The following PDE10A variants were observed in gnomAD, a reference collection of about 807,000 sequenced individuals.
PDE10A encodes cAMP and cAMP-inhibited cGMP 3',5'-cyclic phosphodiesterase 10A.
PDE10A carries 39 observed loss-of-function variants against 97.7 expected under a neutral mutation model. That is an observed-to-expected ratio of 0.40 (90% CI 0.31 to 0.52). The LOEUF is 0.52. PDE10A is among the 20% of genes least tolerant of loss of function. PDE10A has a pLI of 0.56. For missense variants in PDE10A, 731 were observed against 1,047.8 expected, an observed-to-expected ratio of 0.70 and a Z score of 4.17; for synonymous variants, 371 against 376.8, an observed-to-expected ratio of 0.98 and a Z score of 0.18.
At chr6:165,585,465 C>T (rs999634451) in intron 1 of PDE10A, among the ~76,000 whole-genome samples, 3 of 152,090 alleles carry the variant, frequency 2.0e-5, no homozygotes, top group East Asian at 1.9e-4. Flanking sequence ...GGGGGACCTA[C>T]GTGCAATCAC....
chr6:165,662,661 G>A lies in PDE10A; in HGVS notation c.151C>T (p.Pro51Ser), dbSNP rs1454514667. The change falls in exon 1 of 22, where the codon CCC (proline) becomes TCC (serine). Residue 51 changes from proline to serine, a missense_variant. Coordinates refer to ENST00000539869, the MANE Select transcript of PDE10A (RefSeq NM_001385079.1). ...GGSAAGPGPA[P>S]EWPGRGRAER... ...GCCCGGCCACGGCCAGGCCACTCGG[G>A]GGCCGGGCCCGGGCCCGCCGCGCTC... is the stretch of plus-strand genomic sequence containing the variant. The A allele has an allele frequency of 6.4e-5, 9 of 141,392 alleles. No homozygotes were observed. The highest frequency in any genetic ancestry group is 2.3e-4 in the African/African-American group (9 of 39,490). 8.8% of individuals were successfully genotyped at this position (141,392 alleles called of 1,614,324 possible). A position where few individuals can be genotyped will look rare whatever the true frequency, so the allele number is the denominator to read the frequency against.
At chr6:165,413,378 T>C (rs112727798) in intron 13 of PDE10A, 123 bp downstream of exon 13, 5 of 618,566 alleles carry the variant, frequency 8.1e-6, no homozygotes, top group African/African-American at 1.9e-5. Flanking sequence ...CAGGAATCAC[T>C]TACTTTTCCT....
Position 165,333,091 on chromosome 6 carries a change from C to G in PDE10A, c.3102G>C (p.Gly1034=), listed in dbSNP as rs745955034. Residue 1034 remains glycine (G), a synonymous_variant, in exon 22 of 22, where the codon GGG becomes GGC. Coordinates refer to ENST00000539869, the MANE Select transcript of PDE10A (RefSeq NM_001385079.1). ...NLSQWEKVIR[G]EETATWISSP... ...ATGAAATCCAGGTTGCAGTCTCCTC[C>G]CCTCGAATCACCTTCTCCCACTGAC... 3 of 1,611,902 alleles carry G rather than the reference C, an allele frequency of 1.9e-6. No homozygotes were observed. In the East Asian group the frequency reaches 6.7e-5, roughly 36 times the overall value.
At position 165,528,015 on chromosome 6, in the gene PDE10A, T is replaced by A. The variant is rs1421608558; in HGVS notation, c.994+15425A>T. On this transcript the variant is annotated intron_variant, in intron 2 of 21. Transcript: ENST00000539869. ...GGGTAATCTTCCCAGTGGGCAAAACTTTGAGCAGTGCACCTGGTTGTGCAC... is the reference window on the plus strand; with the variant it reads ...GGGTAATCTTCCCAGTGGGCAAAACATTGAGCAGTGCACCTGGTTGTGCAC... Among the ~76,000 whole-genome samples the A allele has an allele frequency of 1.1e-4, 17 of 152,144 alleles. 1 individual carries two copies. The highest frequency in any genetic ancestry group is 1.1e-3 in the Admixed American group (17 of 15,268).
At chr6:165,535,422 A>C (rs1311617883) in intron 2 of PDE10A, among the ~76,000 whole-genome samples, 1 of 151,768 alleles carries the variant, frequency 6.6e-6, no homozygotes, top group Non-Finnish European at 1.5e-5. Flanking sequence ...TCCACTCTCT[A>C]TGTCCATGTG....
chr6:165,845,147 A>G (rs879477109), intron 1 of PDE10A, among the ~76,000 whole-genome samples: 3 of 152,222 alleles, frequency 2.0e-5, no homozygotes, highest in Admixed American at 6.5e-5. Context: ...TTATGCTGGA[A>G]ACAAAGCTCC....
chr6:165,618,939 GTAGTC>G (rs1249042507), intron 1 of PDE10A, among the ~76,000 whole-genome samples: 2 of 151,390 alleles, frequency 1.3e-5, no homozygotes, highest in African/African-American at 4.9e-5. Flanking sequence ...GTAGTCTAGT[GTAGTC>G]TAGTGTAGTG....
chr6:165,552,443 G>T (rs545317695), intron 1 of PDE10A, among the ~76,000 whole-genome samples: 1 of 152,286 alleles, frequency 6.6e-6, no homozygotes, highest in South Asian at 2.1e-4. Flanking sequence ...GTGCATTTGT[G>T]CAAACAATAT....
chr6:165,669,796 C>G (rs1295921068), intron 1 of PDE10A, among the ~76,000 whole-genome samples: 4 of 152,192 alleles, frequency 2.6e-5, no homozygotes, highest in African/African-American at 9.7e-5. Flanking sequence ...CATAATAAAT[C>G]TCAATTTTAC....
intron 1 of PDE10A, among the ~76,000 whole-genome samples, chr6:165,721,717 T>C (rs1394758586): frequency 1.3e-5 from 2 of 152,372 alleles, no homozygotes; most frequent in Admixed American, 6.5e-5. Context: ...CAGTAATTGC[T>C]CAGTCTCCAT....
At chr6:165,558,040 G>A (rs545726074) in intron 1 of PDE10A, among the ~76,000 whole-genome samples, 52 of 152,290 alleles carry the variant, frequency 3.4e-4, no homozygotes, top group African/African-American at 1.2e-3. Flanking sequence ...AACCTATGGA[G>A]CGTGGCAATG....
At chr6:165,760,230 T>A (rs1464405343) in intron 1 of PDE10A, among the ~76,000 whole-genome samples, 1 of 152,034 alleles carries the variant, frequency 6.6e-6, no homozygotes, top group East Asian at 1.9e-4. Context: ...TTAATTACAG[T>A]GAAGTTGAGA....
chr6:165,867,596 G>A (rs759891834), intron 1 of PDE10A, among the ~76,000 whole-genome samples: 4 of 151,816 alleles, frequency 2.6e-5, no homozygotes, highest in Non-Finnish European at 5.9e-5. Flanking sequence ...TCTACATCTC[G>A]CTCTCAGCAC....
At chr6:165,630,276 A>T (rs2128414175) in intron 1 of PDE10A, among the ~76,000 whole-genome samples, 1 of 152,278 alleles carries the variant, frequency 6.6e-6, no homozygotes. Flanking sequence ...TGAGCCAGGG[A>T]AGCGGAGATT....
At chr6:165,708,685 A>G (rs1791785673) in intron 1 of PDE10A, among the ~76,000 whole-genome samples, 1 of 150,660 alleles carries the variant, frequency 6.6e-6, no homozygotes, top group Non-Finnish European at 1.5e-5. Context: ...CTCCCTCTCC[A>G]TGCTCCTGCG....
chr6:165,376,951 T>A (rs1784642562), intron 18 of PDE10A, among the ~76,000 whole-genome samples: 1 of 152,024 alleles, frequency 6.6e-6, no homozygotes, highest in Non-Finnish European at 1.5e-5. Flanking sequence ...GCCACATGCA[T>A]CCCTACCGTT....
intron 5 of PDE10A, 74 bp from the exon 6 acceptor site, chr6:165,435,451 A>G: frequency 8.0e-7 from 1 of 1,251,762 alleles, no homozygotes; most frequent in Non-Finnish European, 1.1e-6. Flanking sequence ...CGTGAATCCT[A>G]ACAGTCATAA....
intron 1 of PDE10A, among the ~76,000 whole-genome samples, chr6:165,889,197 G>T (rs1380279282): frequency 2.0e-5 from 3 of 152,138 alleles, no homozygotes; most frequent in Non-Finnish European, 4.4e-5. Context: ...TGCCCCTTGG[G>T]ATTGATATCA....
chr6:165,720,513 A>C (rs763209214), intron 1 of PDE10A, among the ~76,000 whole-genome samples: 6 of 152,212 alleles, frequency 3.9e-5, no homozygotes, highest in Non-Finnish European at 5.9e-5. Context: ...AAGAATAAAA[A>C]ATCAGAAAGA....
Sources: gnomAD v4.1 joint callset for allele counts (sites outside exome capture counted in the v4.1 genomes callset) on GRCh38, gnomAD v4.1.1 for gene constraint, MANE v1.5 for transcripts, NCBI Gene and HGNC (gene_info 2026-07-23, HGNC 2026-07-21) for gene names.